The following MYADM variants were observed in gnomAD, a reference collection of about 807,000 sequenced individuals.
The protein encoded by MYADM is myeloid associated differentiation marker, also known as myeloid-associated differentiation marker.
For missense variants in MYADM, 416 were observed against 443.4 expected, an observed-to-expected ratio of 0.94 and a Z score of 0.56; for synonymous variants, 224 against 210.2, an observed-to-expected ratio of 1.07 and a Z score of -0.57.
At chr19:53,872,673 A>G (rs552810771) in intron 2 of MYADM, 1 of 151,786 alleles carries the variant, frequency 6.6e-6, no homozygotes, top group East Asian at 1.9e-4. Flanking sequence ...CACCCAGCTA[A>G]TTAAAAAATT....
rs540198083 is a variant in MYADM at position 53,874,592 on chromosome 19, C to T, written c.*94C>T. The T allele has an allele frequency of 7.1e-7, 1 of 1,412,450 alleles. No individual in the cohort carries two copies. Among genetic ancestry groups the T allele is most frequent in the South Asian group, 1.5e-5 (1 of 66,192 alleles). 87.5% of individuals were successfully genotyped at this position (1,412,450 alleles called of 1,614,324 possible). On this transcript the variant is annotated 3_prime_UTR_variant, in exon 3 of 3. Transcript: ENST00000391770. ...AGTACTTCTTTCCTCCGCCTTTCCT[C>T]TGTTTTCCTCTTCCTGTCTCCCCTC...
chr19:53,874,039 C>T lies in MYADM; in HGVS notation c.510C>T (p.Ala170=). The T allele has an allele frequency of 6.2e-7, 1 of 1,609,418 alleles. No homozygotes were observed. The highest frequency in any genetic ancestry group is 2.2e-5 in the East Asian group (1 of 44,868). ...CCGGCGAGATCACTGGCTATATGGC[C>T]ACCGTACCCGGGCTGCTGAAGGTGC... ...ARPGEITGYM[A]TVPGLLKVLE... Residue 170 remains alanine (A), a synonymous_variant, in exon 3 of 3, where the codon GCC becomes GCT. Coordinates refer to ENST00000391770, the MANE Select transcript of MYADM (RefSeq NM_138373.5).
Position 53,873,588 on chromosome 19 carries a change from T to C in MYADM, c.59T>C (p.Leu20Pro). 1 of 1,613,346 alleles carries C rather than the reference T, an allele frequency of 6.2e-7. No homozygotes were observed. Among genetic ancestry groups the C allele is most frequent in the East Asian group, 2.2e-5 (1 of 44,852 alleles). ...ITTTTTSSSG[L>P]GSPMIVGSPR... ...ACCACCACGACGTCATCTTCGGGCC[T>C]GGGGTCCCCCATGATCGTGGGGTCC... Residue 20 changes from leucine (L) to proline (P), a missense_variant, in exon 3 of 3, where the codon CTG (leucine) becomes CCG (proline). Physicochemically the swap from Leu to Pro is moderately conservative, Grantham distance 98. Coordinates refer to ENST00000391770, the MANE Select transcript of MYADM (RefSeq NM_138373.5). The surrounding 1 kb of genome is among the most constrained non-coding windows in gnomAD (Gnocchi z 4.3).
chr19:53,867,341 C>T (rs2068259748), upstream of MYADM, among the ~76,000 whole-genome samples: 1 of 152,074 alleles, frequency 6.6e-6, no homozygotes, highest in Admixed American at 6.6e-5. Flanking sequence ...CCCCATTGAA[C>T]TGAGGGGCCT....
At chr19:53,870,491 C>A (rs2068360656) in intron 2 of MYADM, among the ~76,000 whole-genome samples, 1 of 151,784 alleles carries the variant, frequency 6.6e-6, no homozygotes, top group Non-Finnish European at 1.5e-5. Flanking sequence ...AGGTCCTGGG[C>A]TCCTAGATCC....
chr19:53,867,707 C>G (rs746142616), upstream of MYADM, among the ~76,000 whole-genome samples: 254 of 152,258 alleles, frequency 1.7e-3, no homozygotes, highest in Non-Finnish European at 2.9e-3. Flanking sequence ...GAGCTCCACG[C>G]TACTTTTACT....
In MYADM at chr19:53,873,848, T is replaced by A; in HGVS notation, c.319T>A (p.Cys107Ser). The A allele has an allele frequency of 6.2e-7, 1 of 1,613,662 alleles. No individual in the cohort carries two copies. Among genetic ancestry groups the A allele is most frequent in the Non-Finnish European group, 8.5e-7 (1 of 1,180,044 alleles). The change falls in exon 3 of 3, where the codon TGC (cysteine) becomes AGC (serine). Residue 107 changes from cysteine (C) to serine (S), a missense_variant. Transcript: ENST00000391770. The surrounding 1 kb of genome is among the most constrained non-coding windows in gnomAD (Gnocchi z 4.3). ...SWRNFPITFA[C>S]YAALFCLSAS... ...GCGCAACTTCCCCATCACCTTCGCC[T>A]GCTATGCGGCCCTCTTCTGCCTCTC...
rs982002198 is a variant in MYADM at position 53,873,328 on chromosome 19, T to C, written c.-2-200T>C. Among the ~76,000 whole-genome samples, 2 of 150,902 alleles carry C rather than the reference T, an allele frequency of 1.3e-5. No homozygotes were observed. Among genetic ancestry groups the C allele is most frequent in the African/African-American group, 4.9e-5 (2 of 40,856 alleles). On this transcript the variant is annotated intron_variant, in intron 2 of 2. Transcript: ENST00000391770. The surrounding 1 kb of genome is among the most constrained non-coding windows in gnomAD (Gnocchi z 4.3). Reference sequence around the variant, plus strand: ...CAGAGGTTGTAGTGAGCTGAGATTGTGCCAATGCACTCCAGCCTGGGCCAC... The same window carrying C: ...CAGAGGTTGTAGTGAGCTGAGATTGCGCCAATGCACTCCAGCCTGGGCCAC...
intron 2 of MYADM, among the ~76,000 whole-genome samples, chr19:53,871,859 G>A (rs1452374617): frequency 6.6e-6 from 1 of 151,990 alleles, no homozygotes; most frequent in Non-Finnish European, 1.5e-5. Context: ...GAGGCAGAAG[G>A]AGGATGCTTT....
chr19:53,873,518 C>CT lies in MYADM; in HGVS notation c.-2-5dup. The CT allele has an allele frequency of 6.3e-7, 1 of 1,589,778 alleles. No individual in the cohort carries two copies. The highest frequency in any genetic ancestry group is 8.6e-7 in the Non-Finnish European group (1 of 1,166,662). On this transcript the variant is annotated splice_polypyrimidine_tract_variant and intron_variant, in intron 2 of 2. Coordinates refer to ENST00000391770, the MANE Select transcript of MYADM (RefSeq NM_138373.5). This position sits in a 1 kb window ranked among gnomAD's most constrained non-coding sequence, Gnocchi z 4.3. ...ACTGTATAAGGACACTGTCTTTCCCCTTTTTGCAGCCATGCCAGTGACGGT... is the reference window on the plus strand; with the variant it reads ...ACTGTATAAGGACACTGTCTTTCCCCTTTTTTGCAGCCATGCCAGTGACGGT...
At position 53,874,646 on chromosome 19, in the gene MYADM, TC is replaced by T. The variant is rs1369652265; in HGVS notation, c.*150del. The T allele has an allele frequency of 5.9e-6, 5 of 840,704 alleles. No individual in the cohort carries two copies. Among genetic ancestry groups the T allele is most frequent in the Non-Finnish European group, 7.1e-6 (4 of 560,414 alleles). 52.1% of individuals were successfully genotyped at this position (840,704 alleles called of 1,614,324 possible). A position where few individuals can be genotyped will look rare whatever the true frequency, so the allele number is the denominator to read the frequency against. Reference sequence around the variant, plus strand: ...CCCACCTTTTTCTTTCCTTCCCAATTCCTTGCACTCTAACCAGTTCTTGGAT... The same window carrying T: ...CCCACCTTTTTCTTTCCTTCCCAATTCTTGCACTCTAACCAGTTCTTGGAT... On this transcript the variant is annotated 3_prime_UTR_variant, in exon 3 of 3. Coordinates refer to ENST00000391770, the MANE Select transcript of MYADM (RefSeq NM_138373.5).
At chr19:53,867,333 C>G (rs550368394), upstream of MYADM, among the ~76,000 whole-genome samples, 7 of 152,216 alleles carry the variant, frequency 4.6e-5, no homozygotes, top group African/African-American at 1.7e-4. Flanking sequence ...CCTAGCCCCC[C>G]CATTGAACTG....
At position 53,874,775 on chromosome 19, in the gene MYADM, T is replaced by C. The variant is rs307934; in HGVS notation, c.*277T>C. 0.12 allele frequency: 7,046 copies of C among 58,584 alleles called. 1,694 individuals carry two copies. Among genetic ancestry groups the C allele is most frequent in the South Asian group, 0.17 (208 of 1,200 alleles). 3.6% of individuals were successfully genotyped at this position (58,584 alleles called of 1,614,324 possible). Reference sequence around the variant, plus strand: ...AGCTGTTTCTCTTTTTCTTTTCTTTTTTTTTTTTTTTTTTTTTTAAGACGG... The same window carrying C: ...AGCTGTTTCTCTTTTTCTTTTCTTTCTTTTTTTTTTTTTTTTTTAAGACGG... On this transcript the variant is annotated 3_prime_UTR_variant, in exon 3 of 3. Transcript: ENST00000391770.
In MYADM at chr19:53,873,397, G is replaced by T; in HGVS notation, c.-2-131G>T. ...AAAAAAAAAAAAAGAAAAGAAAACC[G>T]AAAGCCCCACATCTTGGGAACTCCC... is the stretch of plus-strand genomic sequence containing the variant. On this transcript the variant is annotated intron_variant, in intron 2 of 2. Coordinates refer to ENST00000391770, the MANE Select transcript of MYADM (RefSeq NM_138373.5). This position sits in a 1 kb window ranked among gnomAD's most constrained non-coding sequence, Gnocchi z 4.3. The T allele has an allele frequency of 2.1e-6, 2 of 961,190 alleles. No homozygotes were observed. Among genetic ancestry groups the T allele is most frequent in the Non-Finnish European group, 3.1e-6 (2 of 650,952 alleles). 59.5% of individuals were successfully genotyped at this position (961,190 alleles called of 1,614,324 possible). A position where few individuals can be genotyped will look rare whatever the true frequency, so the allele number is the denominator to read the frequency against.
In MYADM at chr19:53,873,949, C is replaced by T; in HGVS notation, c.420C>T (p.Ala140=). 6.2e-7 allele frequency: 1 copy of T among 1,610,986 alleles called. No homozygotes were observed. Among genetic ancestry groups the T allele is most frequent in the Non-Finnish European group, 8.5e-7 (1 of 1,180,016 alleles). ...HGRSRDHAIA[A]TFFSCIACVA... ...GTTCGCGGGACCACGCCATCGCCGC[C>T]ACCTTCTTCTCCTGCATCGCGTGTG... The change falls in exon 3 of 3, where the codon GCC becomes GCT. Residue 140 remains alanine (A), a synonymous_variant. Coordinates refer to ENST00000391770, the MANE Select transcript of MYADM (RefSeq NM_138373.5). This position sits in a 1 kb window ranked among gnomAD's most constrained non-coding sequence, Gnocchi z 4.3.
chr19:53,874,530 A>G lies in MYADM; in HGVS notation c.*32A>G. On this transcript the variant is annotated 3_prime_UTR_variant, in exon 3 of 3. Transcript: ENST00000391770. ...CCCAAGAGGCTCCCGTTCCCTCTCC[A>G]ACCTCTTTGTTCTTCTTGCCCGAGT... The G allele has an allele frequency of 6.5e-7, 1 of 1,537,716 alleles. No homozygotes were observed. The highest frequency in any genetic ancestry group is 8.7e-7 in the Non-Finnish European group (1 of 1,143,262).
chr19:53,874,381 C>G lies in MYADM; in HGVS notation c.852C>G (p.Ala284=), dbSNP rs754464598. ...ATGTAAGCTGCAGCCGCAGCCATGC[C>G]TACTACGTGTGTGCCTGGGACCGCC... ...SRDVSCSRSH[A]YYVCAWDRRL... Residue 284 remains alanine, a synonymous_variant, in exon 3 of 3, where the codon GCC becomes GCG. Transcript: ENST00000391770. The G allele has an allele frequency of 1.9e-6, 3 of 1,614,248 alleles. No homozygotes were observed. The highest frequency in any genetic ancestry group is 1.1e-5 in the South Asian group (1 of 91,090).
At chr19:53,866,818 T>C (rs2068252695), upstream of MYADM, among the ~76,000 whole-genome samples, 1 of 152,240 alleles carries the variant, frequency 6.6e-6, no homozygotes. This position sits in a 1 kb window ranked among gnomAD's most constrained non-coding sequence, Gnocchi z 4.3. Flanking sequence ...AATGGTTCTA[T>C]TATGATGATC....
In MYADM at chr19:53,875,861, G is replaced by A. The variant is rs80007675; in HGVS notation, c.*1363G>A. ...CGAGACTCCATCTCAAAAAAAAAAAGGAATCGGACGAAGAACCACAGGATG... is the reference window on the plus strand; with the variant it reads ...CGAGACTCCATCTCAAAAAAAAAAAAGAATCGGACGAAGAACCACAGGATG... On this transcript the variant is annotated 3_prime_UTR_variant, in exon 3 of 3. Coordinates refer to ENST00000391770, the MANE Select transcript of MYADM (RefSeq NM_138373.5). 6.3e-6 allele frequency: 1 copy of A among 157,670 alleles called. No homozygotes were observed. 9.8% of individuals were successfully genotyped at this position (157,670 alleles called of 1,614,324 possible). A position where few individuals can be genotyped will look rare whatever the true frequency, so the allele number is the denominator to read the frequency against.
Sources: allele counts gnomAD v4.1 joint callset (sites outside exome capture counted in the v4.1 genomes callset), GRCh38; gene constraint gnomAD v4.1.1; non-coding constraint Gnocchi (gnomAD v3.1); transcripts MANE v1.5; gene names NCBI Gene and HGNC (gene_info 2026-07-23, HGNC 2026-07-21).